Variants in FRMD3 observed in about 807,000 individuals in gnomAD.
FRMD3 encodes the protein FERM domain-containing protein 3.
Under a neutral mutation model 70.2 loss-of-function variants are expected in FRMD3, and 33 were observed. That is an observed-to-expected ratio of 0.47 (90% CI 0.36 to 0.63). The LOEUF is 0.63. FRMD3 is among the 20% of genes least tolerant of loss of function. The pLI is 0.00. For synonymous variants in FRMD3, 279 were observed against 255.9 expected (o/e 1.09, Z -0.86); for missense variants, 632 against 711.4 (o/e 0.89, Z 1.27).
At chr9:83,567,372 G>A in the FRMD3 span, among the ~76,000 whole-genome samples, 3 of 152,256 alleles carry the variant, frequency 2.0e-5, no homozygotes, top group African/African-American at 7.2e-5. Context: ...GTGCTGGGAG[G>A]GACTGCCGTG....
At chr9:83,487,047 T>G (rs1028811104) in intron 1 of FRMD3, among the ~76,000 whole-genome samples, 1 of 152,260 alleles carries the variant, frequency 6.6e-6, no homozygotes, top group Non-Finnish European at 1.5e-5. Flanking sequence ...CTTGTAATAC[T>G]GCTTGTATGG....
At chr9:83,271,597 T>C (rs1399469293) in intron 13 of FRMD3, among the ~76,000 whole-genome samples, 7 of 152,242 alleles carry the variant, frequency 4.6e-5, no homozygotes, top group Non-Finnish European at 8.8e-5. Flanking sequence ...GTATCTGTTC[T>C]ATCCAATTCA....
chr9:83,536,946 A>AAAAAAAAAAAAAAG (rs1829907631), intron 1 of FRMD3, among the ~76,000 whole-genome samples: 1 of 150,774 alleles, frequency 6.6e-6, no homozygotes, highest in Non-Finnish European at 1.5e-5. Context: ...AAAAAAAAAA[A>AAAAAAAAAAAAAAG]AAAAAAAGCT....
intron 1 of FRMD3, among the ~76,000 whole-genome samples, chr9:83,512,719 C>T (rs1313547407): frequency 6.6e-6 from 1 of 152,206 alleles, no homozygotes; most frequent in African/African-American, 2.4e-5. Context: ...TCCCTACTCT[C>T]TGGAGTCCCC....
At chr9:83,251,273 G>C (rs1205504626) in intron 13 of FRMD3, among the ~76,000 whole-genome samples, 6 of 152,184 alleles carry the variant, frequency 3.9e-5, no homozygotes, top group African/African-American at 2.4e-5. Context: ...AGCAGCCCTA[G>C]AGTAGAGTGG....
chr9:83,396,475 AGGAACT>A (rs1310896569), intron 1 of FRMD3, among the ~76,000 whole-genome samples: 1 of 152,190 alleles, frequency 6.6e-6, no homozygotes. Context: ...ATAAGCCTCA[AGGAACT>A]ATGACCCAAT....
chr9:83,313,548 T>C (rs1385480803), intron 7 of FRMD3, 112 bp downstream of exon 7: 1 of 821,210 alleles, frequency 1.2e-6, no homozygotes, highest in Non-Finnish European at 2.0e-6. Flanking sequence ...TGAGGGACCG[T>C]GGGCCAAGCT....
chr9:83,566,995 G>T, the FRMD3 span, among the ~76,000 whole-genome samples: 19 of 152,212 alleles, frequency 1.2e-4, no homozygotes, highest in Non-Finnish European at 2.1e-4. Context: ...TCTGTGTGAG[G>T]GCTCCAACCC....
rs1441918249 is a variant in FRMD3, at chr9:83,285,975, G to A, written c.1195+4628C>T. ...GAAAACATTCCCGTTGCCCAGTGGT[G>A]CCTAGGAACTGATTTTGTTTTTTCT... On this transcript the variant is annotated intron_variant, in intron 13 of 13. Coordinates refer to ENST00000304195, the MANE Select transcript of FRMD3 (RefSeq NM_174938.6). Among the ~76,000 whole-genome samples, 4 of 152,288 alleles carry A rather than the reference G, an allele frequency of 2.6e-5. No individual in the cohort carries two copies. In the East Asian group the frequency reaches 7.7e-4, roughly 29 times the overall value.
chr9:83,285,065 G>A (rs112676447), intron 13 of FRMD3, among the ~76,000 whole-genome samples: 4 of 152,314 alleles, frequency 2.6e-5, no homozygotes, highest in South Asian at 2.1e-4. Flanking sequence ...TTACATGCAC[G>A]AAATGCCTTT....
downstream of FRMD3, among the ~76,000 whole-genome samples, chr9:83,244,256 T>C (rs528103612): frequency 6.6e-6 from 1 of 152,292 alleles, no homozygotes; most frequent in African/African-American, 2.4e-5. Context: ...AGGCACCCTT[T>C]TCTGGCCAGT....
intron 4 of FRMD3, 93 bp from the exon 5 acceptor site, chr9:83,343,380 GC>G: frequency 1.2e-6 from 1 of 825,448 alleles, no homozygotes; most frequent in Non-Finnish European, 2.0e-6. Flanking sequence ...GGTGACCAGA[GC>G]TTTTCCCAGC....
chr9:83,421,886 C>T (rs571599976), intron 1 of FRMD3, among the ~76,000 whole-genome samples: 2 of 152,250 alleles, frequency 1.3e-5, no homozygotes, highest in South Asian at 4.1e-4. Context: ...TTCACACATG[C>T]TAATGGACTC....
chr9:83,399,286 G>T (rs1366495234), intron 1 of FRMD3, among the ~76,000 whole-genome samples: 2 of 152,140 alleles, frequency 1.3e-5, no homozygotes, highest in African/African-American at 4.8e-5. Context: ...TCTCTTCTGG[G>T]TGTTTTCTGC....
At chr9:83,528,733 G>T (rs1400907342) in intron 1 of FRMD3, among the ~76,000 whole-genome samples, 1 of 151,988 alleles carries the variant, frequency 6.6e-6, no homozygotes, top group Non-Finnish European at 1.5e-5. Flanking sequence ...TCACCATGTT[G>T]CCCAGGCTGG....
intron 5 of FRMD3, among the ~76,000 whole-genome samples, chr9:83,337,218 T>C (rs548693512): frequency 6.6e-6 from 1 of 152,264 alleles, no homozygotes; most frequent in South Asian, 2.1e-4. Context: ...CTTCCCACCC[T>C]TGAAGTGCTT....
intron 1 of FRMD3, among the ~76,000 whole-genome samples, chr9:83,503,122 C>G (rs1302725119): frequency 6.6e-6 from 1 of 152,226 alleles, no homozygotes; most frequent in Non-Finnish European, 1.5e-5. Context: ...TGCCCTAACC[C>G]CCAGAACCTA....
chr9:83,468,567 G>C lies in FRMD3; in HGVS notation c.147+69518C>G, dbSNP rs538799651. Among the ~76,000 whole-genome samples, 5 of 152,196 alleles carry C rather than the reference G, an allele frequency of 3.3e-5. No homozygotes were observed. In the South Asian group the frequency reaches 1.0e-3, roughly 32 times the overall value. ...TTATTAACAATAAGGAATTAATTAGGCTTATGGCCCAGACAAGTCAAGTAC... is the reference window on the plus strand; with the variant it reads ...TTATTAACAATAAGGAATTAATTAGCCTTATGGCCCAGACAAGTCAAGTAC... On this transcript the variant is annotated intron_variant, in intron 1 of 13. Transcript: ENST00000304195.
In FRMD3 at chr9:83,310,492, T is replaced by C. The variant is rs1376114832; in HGVS notation, c.830A>G (p.Gln277Arg). 1 of 1,607,598 alleles carries C rather than the reference T, an allele frequency of 6.2e-7. No homozygotes were observed. The highest frequency in any genetic ancestry group is 8.5e-7 in the Non-Finnish European group (1 of 1,178,232). Residue 277 changes from glutamine (Q) to arginine (R), a missense_variant, in exon 9 of 14, where the codon CAG becomes CGG. Physicochemically the swap from Gln to Arg is conservative, Grantham distance 43. Around this residue, in one of 3 missense-constraint regions of FRMD3, gnomAD observed 418 missense variants for 442.1 expected, o/e 0.95. Coordinates refer to ENST00000304195, the MANE Select transcript of FRMD3 (RefSeq NM_174938.6). ...AAAAAAGCAGTATCTGACCTCCTTC[T>C]GGGTGCCAATCACATAAAATGTCTT... ...EGKTFYVIGTQKEKKAMLAFH... is the reference protein window; with the variant it reads ...EGKTFYVIGTRKEKKAMLAFH...
Sources: allele counts gnomAD v4.1 joint callset (sites outside exome capture counted in the v4.1 genomes callset), GRCh38; gene constraint gnomAD v4.1.1; regional missense constraint gnomAD v4.1.1; transcripts MANE v1.5; gene names NCBI Gene and HGNC (gene_info 2026-07-23, HGNC 2026-07-21).